The following ERCC6L2 variants were observed in gnomAD, a reference collection of about 807,000 sequenced individuals.
ERCC6L2 encodes ERCC excision repair 6 like 2.
Under a neutral mutation model 132.0 loss-of-function variants are expected in ERCC6L2, and 77 were observed. That is an observed-to-expected ratio of 0.58 (90% CI 0.49 to 0.71). The LOEUF is 0.71. Ranked by LOEUF, ERCC6L2 falls within the 30% of genes least tolerant of loss-of-function variation. The pLI is 0.00. For missense variants in ERCC6L2, 1,542 were observed against 1,837.6 expected, an observed-to-expected ratio of 0.84 and a Z score of 2.94; for synonymous variants, 583 against 632.4, an observed-to-expected ratio of 0.92 and a Z score of 1.17.
intron 17 of ERCC6L2, among the ~76,000 whole-genome samples, chr9:96,001,057 T>TA (rs1187267848): frequency 1.3e-5 from 2 of 152,140 alleles, no homozygotes; most frequent in Non-Finnish European, 2.9e-5. Flanking sequence ...CGGTGAGTGT[T>TA]ACAGCTCTTA....
At chr9:95,913,551 A>G (rs1013360642) in intron 4 of ERCC6L2, among the ~76,000 whole-genome samples, 4 of 152,096 alleles carry the variant, frequency 2.6e-5, no homozygotes, top group African/African-American at 9.7e-5. Flanking sequence ...CATAAAACGT[A>G]CCCTTGTAAG....
intron 17 of ERCC6L2, among the ~76,000 whole-genome samples, chr9:95,998,531 C>T (rs1040842804): frequency 7.9e-5 from 12 of 152,200 alleles, no homozygotes; most frequent in African/African-American, 2.7e-4. Flanking sequence ...TTATTAAAAG[C>T]AGAGCGCCTT....
Position 95,893,142 on chromosome 9 carries a change from G to A in ERCC6L2, c.472-4707G>A, listed in dbSNP as rs150563336. Reference sequence around the variant, plus strand: ...ATGTACCTAATAATGTACTGCTTCAGATAAAATATGTTTCTTGTAAATAGG... The same window carrying A: ...ATGTACCTAATAATGTACTGCTTCAAATAAAATATGTTTCTTGTAAATAGG... On this transcript the variant is annotated intron_variant, in intron 2 of 18. Coordinates refer to ENST00000653738, the MANE Select transcript of ERCC6L2 (RefSeq NM_020207.7). Among the ~76,000 whole-genome samples the A allele has an allele frequency of 2.4e-3, 369 of 152,200 alleles. 2 individuals carry two copies. The highest frequency in any genetic ancestry group is 6.8e-3 in the Middle Eastern group (2 of 294).
Position 95,915,084 on chromosome 9 carries a change from G to A in ERCC6L2, c.789-584G>A, listed in dbSNP as rs371278727. Among the ~76,000 whole-genome samples, 5 of 152,122 alleles carry A rather than the reference G, an allele frequency of 3.3e-5. No homozygotes were observed. The South Asian group carries it at 6.2e-4, about 19-fold the overall frequency. On this transcript the variant is annotated intron_variant, in intron 4 of 18. Transcript: ENST00000653738. ...GCGTCTCTATTCTTTGGACATATTC[G>A]CATTTGTCTTTAGATACATCTGTGC...
chr9:95,947,650 G>A (rs1166691163), intron 12 of ERCC6L2, among the ~76,000 whole-genome samples: 1 of 152,180 alleles, frequency 6.6e-6, no homozygotes, highest in African/African-American at 2.4e-5. Flanking sequence ...GTTAATACCT[G>A]GCTTCAAAAG....
chr9:95,963,885 C>T (rs1191737948), intron 13 of ERCC6L2, among the ~76,000 whole-genome samples: 1 of 152,152 alleles, frequency 6.6e-6, no homozygotes, highest in East Asian at 1.9e-4. Flanking sequence ...TTGCATCAGT[C>T]AGAAGGCACA....
Position 95,970,571 on chromosome 9 carries a change from T to C in ERCC6L2, c.2101-5T>C. ...TATTTGCATTCTTTCTTACTGACAT[T>C]ATAGAGAGAAGGCCAAGTAGAAGCA... On this transcript the variant is annotated splice_region_variant and splice_polypyrimidine_tract_variant and intron_variant, in intron 14 of 18. Transcript: ENST00000653738. 7.7e-7 allele frequency: 1 copy of C among 1,302,482 alleles called. No homozygotes were observed. Among genetic ancestry groups the C allele is most frequent in the Non-Finnish European group, 1.0e-6 (1 of 987,778 alleles). 80.7% of individuals were successfully genotyped at this position (1,302,482 alleles called of 1,614,324 possible).
chr9:95,880,736 T>C (rs1443262272), intron 1 of ERCC6L2, 133 bp from the exon 2 acceptor site: 6 of 676,608 alleles, frequency 8.9e-6, no homozygotes, highest in East Asian at 2.7e-5. Context: ...TCTATACATG[T>C]TAGAATTTAT....
chr9:95,982,121 G>T (rs1404902053), intron 17 of ERCC6L2, among the ~76,000 whole-genome samples: 1 of 152,178 alleles, frequency 6.6e-6, no homozygotes, highest in African/African-American at 2.4e-5. Flanking sequence ...GGGTCGCTTT[G>T]TAGTAAAACC....
chr9:95,883,648 C>G lies in ERCC6L2; in HGVS notation c.471+2355C>G, dbSNP rs1260974945. ...GGCCAAGGCGGGCGGATCACGAGGT[C>G]AAGAGATCAAGACCATCCTGGCCAA... is the stretch of plus-strand genomic sequence containing the variant. On this transcript the variant is annotated intron_variant, in intron 2 of 18. Transcript: ENST00000653738. 2.0e-5 allele frequency among the ~76,000 whole-genome samples: 3 copies of G among 152,142 alleles called. No individual in the cohort carries two copies. The East Asian group carries it at 5.8e-4, about 29-fold the overall frequency.
intron 17 of ERCC6L2, among the ~76,000 whole-genome samples, chr9:95,978,651 T>C (rs991082991): frequency 1.3e-5 from 2 of 152,242 alleles, no homozygotes; most frequent in Non-Finnish European, 1.5e-5. Context: ...AAAGGGTTTT[T>C]ATACTGTTAA....
At chr9:95,952,538 T>A (rs887757855) in intron 12 of ERCC6L2, among the ~76,000 whole-genome samples, 6 of 152,056 alleles carry the variant, frequency 3.9e-5, no homozygotes, top group Non-Finnish European at 2.9e-5. Context: ...TTGACAAAAT[T>A]CAACATCTTT....
chr9:96,039,881 A>G (rs1834559132), intron 20 of ERCC6L2, among the ~76,000 whole-genome samples: 1 of 152,066 alleles, frequency 6.6e-6, no homozygotes, highest in Admixed American at 6.5e-5. Flanking sequence ...GTCACTCCAC[A>G]GTGTCGAATC....
At chr9:95,914,296 G>T (rs1829475451) in intron 4 of ERCC6L2, among the ~76,000 whole-genome samples, 2 of 151,928 alleles carry the variant, frequency 1.3e-5, no homozygotes, top group Admixed American at 1.3e-4. Flanking sequence ...TAGACATTTG[G>T]TGTCTATTAG....
intron 12 of ERCC6L2, among the ~76,000 whole-genome samples, chr9:95,950,454 AAAAT>A (rs1483277349): frequency 1.3e-5 from 2 of 152,170 alleles, no homozygotes; most frequent in African/African-American, 4.8e-5. Flanking sequence ...AGACATATAG[AAAAT>A]AAATAAAGTG....
intron 17 of ERCC6L2, among the ~76,000 whole-genome samples, chr9:95,999,103 G>A (rs1294987423): frequency 6.6e-6 from 1 of 152,226 alleles, no homozygotes; most frequent in South Asian, 2.1e-4. Context: ...GCTCACTCCT[G>A]TAATCCCAGC....
chr9:95,875,922 C>G lies in ERCC6L2; in HGVS notation c.-117C>G. 3 of 1,132,370 alleles carry G rather than the reference C, an allele frequency of 2.6e-6. No individual in the cohort carries two copies. Among genetic ancestry groups the G allele is most frequent in the Non-Finnish European group, 3.8e-6 (3 of 786,734 alleles). The allele number at this position is 1,132,370 out of a possible 1,614,324, so 70.1% of individuals were successfully genotyped here. A position where few individuals can be genotyped will look rare whatever the true frequency, so the allele number is the denominator to read the frequency against. Reference sequence around the variant, plus strand: ...CTTCGGGTTGCCGAAGAGCGATGCTCGGAGGGCGGCCGGAAGTGGCGTTGG... The same window carrying G: ...CTTCGGGTTGCCGAAGAGCGATGCTGGGAGGGCGGCCGGAAGTGGCGTTGG... On this transcript the variant is annotated 5_prime_UTR_variant, in exon 1 of 19. Transcript: ENST00000653738.
intron 12 of ERCC6L2, among the ~76,000 whole-genome samples, chr9:95,944,648 G>A (rs543843079): frequency 1.3e-4 from 19 of 149,470 alleles, no homozygotes; most frequent in Non-Finnish European, 1.8e-4. Flanking sequence ...GATATCGGGC[G>A]AAATTCACCC....
chr9:95,990,527 A>C (rs1833259371), intron 17 of ERCC6L2, among the ~76,000 whole-genome samples: 1 of 152,216 alleles, frequency 6.6e-6, no homozygotes, highest in East Asian at 1.9e-4. Context: ...CCTTAATTGT[A>C]GTAGTGAGAC....
Sources: allele counts gnomAD v4.1 joint callset (sites outside exome capture counted in the v4.1 genomes callset), GRCh38; gene constraint gnomAD v4.1.1; transcripts MANE v1.5; gene names NCBI Gene and HGNC (gene_info 2026-07-23, HGNC 2026-07-21).